The following YTHDF3 variants were observed in gnomAD, a reference collection of about 807,000 sequenced individuals.
YTHDF3 encodes the protein YTH domain-containing family protein 3.
YTHDF3 carries 9 observed loss-of-function variants against 52.5 expected under a neutral mutation model. The observed-to-expected ratio is 0.17, with a 90% CI of 0.10 to 0.30. The LOEUF (loss-of-function observed/expected upper bound fraction) is 0.30, where lower values mean the gene tolerates loss of function less well. YTHDF3 is among the 10% of genes least tolerant of loss of function. The probability of loss-of-function intolerance (pLI) is 1.00; values close to 1 mark genes in which losing one functional copy is unlikely to be tolerated. For synonymous variants in YTHDF3, 274 were observed against 243.3 expected (o/e 1.13, Z -1.18); for missense variants, 534 against 715.0 (o/e 0.75, Z 2.89).
chr8:63,172,878 T>A, intron 2 of YTHDF3: 1 of 1,084,080 alleles, frequency 9.2e-7, no homozygotes, highest in Non-Finnish European at 1.2e-6. Flanking sequence ...TATTTAATGG[T>A]TTTCAGACTC....
At chr8:63,187,773 G>A (rs756094896) in intron 4 of YTHDF3, 28 bp downstream of exon 4, 1 of 1,548,916 alleles carries the variant, frequency 6.5e-7, no homozygotes, top group African/African-American at 1.4e-5. Flanking sequence ...TTTTGTTTGG[G>A]GTCTTTGTAT....
At chr8:63,199,672 C>G (rs1331446333) in intron 4 of YTHDF3, among the ~76,000 whole-genome samples, 2 of 152,126 alleles carry the variant, frequency 1.3e-5, no homozygotes, top group Non-Finnish European at 2.9e-5. Flanking sequence ...AATATTTTTT[C>G]ATGAATGAAG....
chr8:63,200,498 A>T (rs149746332), intron 4 of YTHDF3, among the ~76,000 whole-genome samples: 2 of 151,546 alleles, frequency 1.3e-5, no homozygotes. Flanking sequence ...ATTAGAAGCA[A>T]TTCACTCATT....
chr8:63,181,415 T>A (rs970929872), intron 3 of YTHDF3, among the ~76,000 whole-genome samples: 4 of 152,186 alleles, frequency 2.6e-5, no homozygotes, highest in Admixed American at 2.6e-4. Context: ...CTTAAAGTGG[T>A]TCCACTTCCT....
chr8:63,209,818 T>A lies in YTHDF3; in HGVS notation c.*112T>A. The A allele has an allele frequency of 9.2e-7, 1 of 1,090,072 alleles. No individual in the cohort carries two copies. The allele number at this position is 1,090,072 out of a possible 1,614,324, so 67.5% of individuals were successfully genotyped here. A position where few individuals can be genotyped will look rare whatever the true frequency, so the allele number is the denominator to read the frequency against. On this transcript the variant is annotated 3_prime_UTR_variant, in exon 5 of 5. Transcript: ENST00000539294. ...TCTTTTCTGCTTAAGGTGACATCTT[T>A]GAACACTTTAACACAAAGTTGACTC... is the stretch of plus-strand genomic sequence containing the variant.
At chr8:63,172,760 C>G in intron 2 of YTHDF3, 1 of 1,231,378 alleles carries the variant, frequency 8.1e-7, no homozygotes, top group Admixed American at 4.2e-5. Flanking sequence ...CTTGATTTGA[C>G]TCTGTTTCAT....
chr8:63,192,597 CT>C (rs910592418), intron 4 of YTHDF3, among the ~76,000 whole-genome samples: 2 of 152,148 alleles, frequency 1.3e-5, no homozygotes, highest in African/African-American at 4.8e-5. Flanking sequence ...CTTCCTGGTA[CT>C]TTTAGCCTTG....
At chr8:63,205,514 A>T (rs558277172) in intron 4 of YTHDF3, among the ~76,000 whole-genome samples, 6 of 151,262 alleles carry the variant, frequency 4.0e-5, no homozygotes, top group Non-Finnish European at 8.8e-5. Flanking sequence ...GCTCACTGCA[A>T]CCTTCACCTT....
intron 2 of YTHDF3, chr8:63,173,709 G>A: frequency 1.0e-6 from 1 of 984,894 alleles, no homozygotes; most frequent in Non-Finnish European, 1.2e-6. Flanking sequence ...GGACTGAAAT[G>A]AATAACCCAG....
intron 1 of YTHDF3, chr8:63,169,137 G>C (rs972570093): frequency 3.1e-5 from 45 of 1,435,180 alleles, no homozygotes; most frequent in Admixed American, 1.1e-4. Flanking sequence ...AGGGGCCTTA[G>C]GACAGATCCT....
chr8:63,177,922 T>C (rs1807812672), intron 3 of YTHDF3, among the ~76,000 whole-genome samples: 1 of 152,136 alleles, frequency 6.6e-6, no homozygotes, highest in African/African-American at 2.4e-5. Context: ...CACGCCTGGC[T>C]AATTTTTATA....
chr8:63,188,675 T>TTATA (rs1563404059), intron 4 of YTHDF3: 4 of 89,004 alleles, frequency 4.5e-5, no homozygotes, highest in African/African-American at 1.9e-4. Context: ...TTATAAGAAA[T>TTATA]TACATATATA....
chr8:63,188,484 G>A (rs1208747034), intron 4 of YTHDF3, among the ~76,000 whole-genome samples: 1 of 149,350 alleles, frequency 6.7e-6, no homozygotes, highest in East Asian at 2.0e-4. Context: ...ACACCACCAC[G>A]CCTGGCTAAT....
chr8:63,203,892 T>G (rs1809809942), intron 4 of YTHDF3, among the ~76,000 whole-genome samples: 1 of 152,222 alleles, frequency 6.6e-6, no homozygotes, highest in African/African-American at 2.4e-5. Context: ...ACAGAAGTGA[T>G]GTATCCTCTT....
rs199808565 is a variant in YTHDF3 at position 63,209,735 on chromosome 8, A to C, written c.*29A>C. 1 of 1,563,588 alleles carries C rather than the reference A, an allele frequency of 6.4e-7. No homozygotes were observed. Among genetic ancestry groups the C allele is most frequent in the Non-Finnish European group, 8.6e-7 (1 of 1,160,624 alleles). On this transcript the variant is annotated 3_prime_UTR_variant, in exon 5 of 5. Transcript: ENST00000539294. ...TATGAAGATGTCCTGTTAAATTTAC[A>C]ACACTAACGATGTAGACTCTGGAAA... is the stretch of plus-strand genomic sequence containing the variant.
At position 63,212,579 on chromosome 8, in the gene YTHDF3, C is replaced by T. The variant is rs909322714; in HGVS notation, c.*2873C>T. 2 of 152,390 alleles carry T rather than the reference C, an allele frequency of 1.3e-5. No homozygotes were observed. Among genetic ancestry groups the T allele is most frequent in the Admixed American group, 6.5e-5 (1 of 15,270 alleles). The allele number at this position is 152,390 out of a possible 1,614,324, so 9.4% of individuals were successfully genotyped here. A position where few individuals can be genotyped will look rare whatever the true frequency, so the allele number is the denominator to read the frequency against. The stretch of plus-strand genomic sequence containing the variant: ...GTTATGCCATGTAAATTCCCTTTTT[C>T]GTATGATTAAAGGAAGGTTATGATA... On this transcript the variant is annotated 3_prime_UTR_variant, in exon 5 of 5. Coordinates refer to ENST00000539294, the MANE Select transcript of YTHDF3 (RefSeq NM_152758.6).
chr8:63,192,568 T>C (rs1808980273), intron 4 of YTHDF3, among the ~76,000 whole-genome samples: 1 of 152,204 alleles, frequency 6.6e-6, no homozygotes, highest in Non-Finnish European at 1.5e-5. Context: ...TAGGGTACCA[T>C]GTGTTTTTGT....
chr8:63,209,195 ATC>A (rs1179573663), intron 4 of YTHDF3, among the ~76,000 whole-genome samples: 3 of 152,128 alleles, frequency 2.0e-5, no homozygotes, highest in African/African-American at 4.8e-5. Flanking sequence ...GTGAAAAGTT[ATC>A]TATCGTGTGC....
intron 3 of YTHDF3, among the ~76,000 whole-genome samples, chr8:63,182,286 G>T (rs952543594): frequency 7.0e-6 from 1 of 143,576 alleles, no homozygotes; most frequent in Non-Finnish European, 1.5e-5. Context: ...GTGCAGGCTG[G>T]TCTTGAACTC....
Sources: allele counts gnomAD v4.1 joint callset (sites outside exome capture counted in the v4.1 genomes callset), GRCh38; gene constraint gnomAD v4.1.1; transcripts MANE v1.5; gene names NCBI Gene and HGNC (gene_info 2026-07-23, HGNC 2026-07-21).